DENND2A: variants seen among roughly 807,000 people sequenced by gnomAD.
DENND2A encodes the protein DENN domain-containing protein 2A.
DENND2A carries 53 observed loss-of-function variants against 105.3 expected under a neutral mutation model. The ratio of observed to expected loss-of-function variants is 0.50; its 90% CI spans 0.40 to 0.63. DENND2A has a LOEUF of 0.63. Ranked by LOEUF, DENND2A falls within the 30% of genes least tolerant of loss-of-function variation. The pLI is 0.00. For synonymous variants in DENND2A, 522 were observed against 508.4 expected, an observed-to-expected ratio of 1.03 and a Z score of -0.36; for missense variants, 1,138 against 1,279.6, an observed-to-expected ratio of 0.89 and a Z score of 1.69.
chr7:140,524,947 G>A (rs141501845), intron 16 of DENND2A, among the ~76,000 whole-genome samples: 7,828 of 148,054 alleles, frequency 0.053, 714 homozygotes, highest in African/African-American at 0.18. Flanking sequence ...GTGCAGTGGC[G>A]TGATCTCGGC....
intron 11 of DENND2A, among the ~76,000 whole-genome samples, chr7:140,556,386 T>G (rs1197226874): frequency 2.6e-5 from 4 of 152,142 alleles, no homozygotes; most frequent in Admixed American, 1.3e-4. Context: ...TTGTCCAGAC[T>G]GGAGTGCAGC....
chr7:140,532,506 G>A (rs1796306695), intron 14 of DENND2A, among the ~76,000 whole-genome samples: 1 of 152,172 alleles, frequency 6.6e-6, no homozygotes, highest in African/African-American at 2.4e-5. Flanking sequence ...CAGACTTGTG[G>A]TTCAAGCACT....
chr7:140,538,980 C>A (rs1044234483), intron 14 of DENND2A, among the ~76,000 whole-genome samples: 1 of 151,284 alleles, frequency 6.6e-6, no homozygotes, highest in Non-Finnish European at 1.5e-5. Context: ...TGTGCCACCA[C>A]GCCCAGCTAA....
At chr7:140,557,914 T>A (rs1277032532) in intron 11 of DENND2A, among the ~76,000 whole-genome samples, 1 of 152,082 alleles carries the variant, frequency 6.6e-6, no homozygotes, top group Non-Finnish European at 1.5e-5. Flanking sequence ...TCAAGTGATC[T>A]GTCCTTCTCA....
At chr7:140,544,321 A>G (rs772203845) in intron 14 of DENND2A, 5 of 491,136 alleles carry the variant, frequency 1.0e-5, no homozygotes, top group African/African-American at 1.9e-5. Flanking sequence ...CAGCCTCCCA[A>G]GTAGCTGGGA....
chr7:140,573,725 T>C, intron 6 of DENND2A, 83 bp downstream of exon 6: 5 of 1,452,044 alleles, frequency 3.4e-6, no homozygotes, highest in Non-Finnish European at 4.7e-6. Flanking sequence ...AGTGATGTAT[T>C]CTCCACCCAG....
chr7:140,615,134 T>G (rs1253296749), intron 1 of DENND2A, among the ~76,000 whole-genome samples: 1 of 152,214 alleles, frequency 6.6e-6, no homozygotes, highest in Admixed American at 6.5e-5. Flanking sequence ...TCCAAAGTGC[T>G]GGGATTACAG....
intron 13 of DENND2A, among the ~76,000 whole-genome samples, chr7:140,545,559 C>A (rs1796861079): frequency 6.6e-6 from 1 of 152,168 alleles, no homozygotes. Flanking sequence ...CCATGTTGGC[C>A]AGGCTGGTCT....
intron 5 of DENND2A, among the ~76,000 whole-genome samples, chr7:140,581,239 G>A (rs1419524415): frequency 6.6e-6 from 1 of 152,152 alleles, no homozygotes; most frequent in Non-Finnish European, 1.5e-5. Flanking sequence ...ACTCCAGCCT[G>A]GCTGACAGAG....
At chr7:140,552,979 AG>A (rs1351162531) in intron 12 of DENND2A, among the ~76,000 whole-genome samples, 1 of 152,106 alleles carries the variant, frequency 6.6e-6, no homozygotes, top group African/African-American at 2.4e-5. Flanking sequence ...AAATGCTTTT[AG>A]GGGTGAAGGG....
At chr7:140,618,665 C>T (rs1459794344) in intron 1 of DENND2A, among the ~76,000 whole-genome samples, 2 of 152,180 alleles carry the variant, frequency 1.3e-5, no homozygotes, top group East Asian at 1.9e-4. Context: ...GTCTTGCTCA[C>T]CTCTTCAAGA....
chr7:140,568,882 T>A, intron 7 of DENND2A, 69 bp from the exon 8 acceptor site: 1 of 1,473,640 alleles, frequency 6.8e-7, no homozygotes, highest in Non-Finnish European at 9.5e-7. Context: ...TCTTTCTATG[T>A]GGTAGCACAG....
intron 4 of DENND2A, among the ~76,000 whole-genome samples, chr7:140,586,348 G>C (rs983379318): frequency 6.8e-6 from 1 of 146,802 alleles, no homozygotes; most frequent in Admixed American, 6.9e-5. Flanking sequence ...GGAAAACCCC[G>C]TCCCTCCTAA....
At chr7:140,536,671 T>C (rs1296709292) in intron 14 of DENND2A, among the ~76,000 whole-genome samples, 1 of 152,012 alleles carries the variant, frequency 6.6e-6, no homozygotes, top group Non-Finnish European at 1.5e-5. Context: ...ATTAAAATTG[T>C]ATTTTTTTTT....
intron 14 of DENND2A, among the ~76,000 whole-genome samples, chr7:140,532,555 G>C (rs1046131873): frequency 6.6e-6 from 1 of 152,178 alleles, no homozygotes; most frequent in African/African-American, 2.4e-5. Flanking sequence ...ATTTAGACCT[G>C]GAAGAGTTCT....
chr7:140,542,051 G>GT (rs1052757712), intron 14 of DENND2A, among the ~76,000 whole-genome samples: 26 of 151,150 alleles, frequency 1.7e-4, no homozygotes, highest in East Asian at 5.8e-4. Flanking sequence ...AGTGCTTCAG[G>GT]TTTTTTTTTG....
rs1387471073 is a variant in DENND2A at position 140,559,491 on chromosome 7, A to G, written c.1889+217T>C. Among the ~76,000 whole-genome samples the G allele has an allele frequency of 1.3e-5, 2 of 152,282 alleles. No homozygotes were observed. The highest frequency in any genetic ancestry group is 2.1e-4 in the South Asian group (1 of 4,828). ...CTTCCGGGAGGCTTCTGAAACAAGTATCCCCAGATTGAGTGGGAAGCCCGG... is the reference window on the plus strand; with the variant it reads ...CTTCCGGGAGGCTTCTGAAACAAGTGTCCCCAGATTGAGTGGGAAGCCCGG... On this transcript the variant is annotated intron_variant, in intron 10 of 19. Transcript: ENST00000496613. The surrounding 1 kb of genome is among the most constrained non-coding windows in gnomAD (Gnocchi z 4.1).
At position 140,602,262 on chromosome 7, in the gene DENND2A, T is replaced by A; in HGVS notation, c.136A>T (p.Ile46Leu). Residue 46 changes from isoleucine (I) to leucine (L), a missense_variant, in exon 3 of 20, where the codon ATA (isoleucine) becomes TTA (leucine). Physicochemically the swap from Ile to Leu is conservative, Grantham distance 5 (BLOSUM62 2). Transcript: ENST00000496613. Reference protein sequence around the residue: ...RARPRHKSLNIKDKISEWEGK... With the variant: ...RARPRHKSLNLKDKISEWEGK... Reference sequence around the variant, plus strand: ...TCCCATTCTGATATCTTGTCCTTTATGTTGAGGGACTTGTGCCGGGGTCTG... The same window carrying A: ...TCCCATTCTGATATCTTGTCCTTTAAGTTGAGGGACTTGTGCCGGGGTCTG... 2 of 1,613,364 alleles carry A rather than the reference T, an allele frequency of 1.2e-6. No homozygotes were observed. The highest frequency in any genetic ancestry group is 1.7e-6 in the Non-Finnish European group (2 of 1,180,010).
chr7:140,589,455 G>C (rs1001409845), intron 3 of DENND2A, among the ~76,000 whole-genome samples: 14 of 152,192 alleles, frequency 9.2e-5, no homozygotes, highest in African/African-American at 3.4e-4. Context: ...GGGACAGGAA[G>C]GGGTCATTTC....
Sources: allele counts gnomAD v4.1 joint callset (sites outside exome capture counted in the v4.1 genomes callset), GRCh38; gene constraint gnomAD v4.1.1; non-coding constraint Gnocchi (gnomAD v3.1); transcripts MANE v1.5; gene names NCBI Gene and HGNC (gene_info 2026-07-23, HGNC 2026-07-21).